Variants in PTPN4 observed in about 807,000 individuals in gnomAD.
PTPN4 encodes protein tyrosine phosphatase non-receptor type 4.
In PTPN4, 49 loss-of-function variants were observed where a neutral mutation model predicts 135.5. The observed-to-expected ratio is 0.36, with a 90% CI of 0.29 to 0.46. The LOEUF is 0.46. Ranked by LOEUF, PTPN4 falls within the 20% of genes least tolerant of loss-of-function variation. PTPN4 has a pLI of 1.00. For synonymous variants in PTPN4, 333 were observed against 369.9 expected, an observed-to-expected ratio of 0.90 and a Z score of 1.14; for missense variants, 860 against 1,101.0, an observed-to-expected ratio of 0.78 and a Z score of 3.10.
At chr2:119,959,815 G>T (rs1302460796) in intron 22 of PTPN4, among the ~76,000 whole-genome samples, 1 of 152,124 alleles carries the variant, frequency 6.6e-6, no homozygotes, top group Non-Finnish European at 1.5e-5. Flanking sequence ...GTCAGATTTT[G>T]CTGTCAAATG....
intron 2 of PTPN4, among the ~76,000 whole-genome samples, chr2:119,861,659 G>A (rs1444023629): frequency 6.6e-6 from 1 of 152,042 alleles, no homozygotes; most frequent in African/African-American, 2.4e-5. Context: ...TATTTTGGGG[G>A]TTGTTTGCCC....
intron 2 of PTPN4, among the ~76,000 whole-genome samples, chr2:119,847,881 T>C (rs1677529510): frequency 6.6e-6 from 1 of 152,226 alleles, no homozygotes; most frequent in Non-Finnish European, 1.5e-5. Context: ...CCTCTTTCAG[T>C]GCTTTGAATA....
chr2:119,934,763 G>A (rs1678956639), intron 14 of PTPN4, 37 bp from the exon 15 acceptor site: 4 of 1,595,176 alleles, frequency 2.5e-6, no homozygotes, highest in South Asian at 1.1e-5. Context: ...TTGAATTGAA[G>A]CATATTTTTA....
chr2:119,883,144 G>T (rs1678105041), intron 8 of PTPN4, among the ~76,000 whole-genome samples: 1 of 152,062 alleles, frequency 6.6e-6, no homozygotes, highest in Non-Finnish European at 1.5e-5. Context: ...ACCACAGTGG[G>T]AAATTCTGCA....
intron 13 of PTPN4, 87 bp downstream of exon 13, chr2:119,926,753 G>A: frequency 9.7e-7 from 1 of 1,032,474 alleles, no homozygotes; most frequent in Non-Finnish European, 1.4e-6. Flanking sequence ...TTTTTCTAAA[G>A]TTTTTCTAAA....
intron 12 of PTPN4, among the ~76,000 whole-genome samples, chr2:119,921,130 A>C (rs1277402205): frequency 6.6e-6 from 1 of 151,962 alleles, no homozygotes; most frequent in Non-Finnish European, 1.5e-5. Flanking sequence ...AAAACAAAAA[A>C]CAAAAAATTA....
In PTPN4 at chr2:119,809,889, C is replaced by T. The variant is rs771696052; in HGVS notation, c.36C>T (p.Thr12=). 29 of 1,612,948 alleles carry T rather than the reference C, an allele frequency of 1.8e-5. No homozygotes were observed. Among genetic ancestry groups the T allele is most frequent in the Non-Finnish European group, 2.5e-5 (29 of 1,179,654 alleles). The stretch of plus-strand genomic sequence containing the variant: ...GTTTCCGATTGCCTGCTGGCAGAAC[C>T]TACAATGTACGAGCATCAGAGTTGG... ...TSRFRLPAGR[T]YNVRASELAR... Residue 12 remains threonine, a synonymous_variant, in exon 2 of 27, where the codon ACC becomes ACT. Transcript: ENST00000263708.
At chr2:119,863,627 G>A (rs1574376569) in intron 3 of PTPN4, among the ~76,000 whole-genome samples, 1 of 152,032 alleles carries the variant, frequency 6.6e-6, no homozygotes, top group Admixed American at 6.6e-5. Context: ...TAGCTAGTGG[G>A]AATTATATAT....
intron 2 of PTPN4, among the ~76,000 whole-genome samples, chr2:119,823,369 G>A (rs762453663): frequency 6.6e-6 from 1 of 151,892 alleles, no homozygotes; most frequent in South Asian, 2.1e-4. Context: ...CGAGTAGCTG[G>A]GACTCCAGGT....
chr2:119,948,021 G>A (rs187508196), intron 18 of PTPN4, among the ~76,000 whole-genome samples: 4 of 152,168 alleles, frequency 2.6e-5, no homozygotes, highest in African/African-American at 4.8e-5. Context: ...AAAGTCCGTT[G>A]TGACTGGGGG....
intron 3 of PTPN4, among the ~76,000 whole-genome samples, chr2:119,869,312 A>G (rs936706312): frequency 1.3e-5 from 2 of 152,200 alleles, no homozygotes; most frequent in African/African-American, 2.4e-5. Context: ...GGTGGTGGTT[A>G]CCTGGCTGTA....
chr2:119,926,021 T>C (rs966753538), intron 12 of PTPN4, among the ~76,000 whole-genome samples: 3 of 152,340 alleles, frequency 2.0e-5, no homozygotes, highest in Admixed American at 6.5e-5. Flanking sequence ...TATTTATCCA[T>C]GGAAAATGGT....
chr2:119,967,556 A>G (rs570739115), intron 25 of PTPN4, among the ~76,000 whole-genome samples: 1 of 152,346 alleles, frequency 6.6e-6, no homozygotes, highest in South Asian at 2.1e-4. Flanking sequence ...TTGCTCCAGT[A>G]AGCTTCTATT....
intron 10 of PTPN4, among the ~76,000 whole-genome samples, chr2:119,903,807 G>A (rs1015794383): frequency 1.3e-5 from 2 of 152,132 alleles, no homozygotes; most frequent in East Asian, 3.8e-4. Flanking sequence ...CACAGCTGGT[G>A]CCCATGAACC....
chr2:119,880,493 G>A (rs184785856), intron 5 of PTPN4, among the ~76,000 whole-genome samples: 1,676 of 151,400 alleles, frequency 0.011, 20 homozygotes, highest in Non-Finnish European at 0.016. Context: ...GCAGTGGCGC[G>A]ATCTCGGCTC....
intron 1 of PTPN4, among the ~76,000 whole-genome samples, chr2:119,773,735 C>CAA (rs59142325): frequency 0.016 from 1,756 of 108,314 alleles, 23 homozygotes; most frequent in Non-Finnish European, 0.025. Context: ...GACTCTGTCT[C>CAA]AAAAAAAAAA....
chr2:119,863,329 T>C (rs1277632718), intron 3 of PTPN4, among the ~76,000 whole-genome samples: 1 of 152,116 alleles, frequency 6.6e-6, no homozygotes, highest in African/African-American at 2.4e-5. Flanking sequence ...AAGCAAATTC[T>C]GATTGAATTC....
At chr2:119,886,490 T>A (rs1678156574) in intron 9 of PTPN4, among the ~76,000 whole-genome samples, 2 of 152,198 alleles carry the variant, frequency 1.3e-5, no homozygotes, top group Non-Finnish European at 1.5e-5. Flanking sequence ...TTATCCTGTA[T>A]TTGTGTGTTT....
At chr2:119,851,629 C>T (rs1677592757) in intron 2 of PTPN4, among the ~76,000 whole-genome samples, 1 of 152,110 alleles carries the variant, frequency 6.6e-6, no homozygotes, top group African/African-American at 2.4e-5. Context: ...AGTGGTGTGC[C>T]CTCGGAAAGC....
Sources: gnomAD v4.1 joint callset for allele counts (sites outside exome capture counted in the v4.1 genomes callset) on GRCh38, gnomAD v4.1.1 for gene constraint, MANE v1.5 for transcripts, NCBI Gene and HGNC (gene_info 2026-07-23, HGNC 2026-07-21) for gene names.